The following CLASP2 variants were observed in gnomAD, a reference collection of about 807,000 sequenced individuals.
The protein encoded by CLASP2 is cytoplasmic linker associated protein 2, also known as CLIP-associating protein 2.
In CLASP2, 47 loss-of-function variants were observed where a neutral mutation model predicts 194.4. The ratio of observed to expected loss-of-function variants is 0.24; its 90% CI spans 0.19 to 0.31. The LOEUF is 0.31. Among genes scored for constraint, CLASP2 ranks in the 10% least tolerant of loss-of-function variants. The pLI is 1.00. For missense variants in CLASP2, 1,445 were observed against 1,823.6 expected, an observed-to-expected ratio of 0.79 and a Z score of 3.78; for synonymous variants, 619 against 633.5, an observed-to-expected ratio of 0.98 and a Z score of 0.34.
At chr3:33,571,659 A>G (rs944328508) in intron 25 of CLASP2, among the ~76,000 whole-genome samples, 3 of 151,712 alleles carry the variant, frequency 2.0e-5, no homozygotes, top group African/African-American at 4.8e-5. Context: ...CAAAAAAACA[A>G]AAACAAATCA....
In CLASP2 at chr3:33,544,267, C is replaced by T. The variant is rs2058813607; in HGVS notation, c.3297+431G>A. 2.0e-5 allele frequency among the ~76,000 whole-genome samples: 3 copies of T among 152,154 alleles called. No individual in the cohort carries two copies. The South Asian group carries it at 6.2e-4, about 31-fold the overall frequency. ...ATCCAAGTATAAATGGACTGACAAG[C>T]CTGTGATCATTTAATGTGACCACAC... On this transcript the variant is annotated intron_variant, in intron 31 of 38. Transcript: ENST00000682230.
rs779271375 is a variant in CLASP2, at chr3:33,570,694, T to G, written c.2763+33A>C. The G allele has an allele frequency of 3.2e-6, 5 of 1,579,594 alleles. No homozygotes were observed. The South Asian group carries it at 5.8e-5, about 18-fold the overall frequency. ...TTGACAATATACAAATGATACCCTA[T>G]AGAAATAAATAATCTTAAATACTAA... is the stretch of plus-strand genomic sequence containing the variant. On this transcript the variant is annotated intron_variant, in intron 26 of 38. Coordinates refer to ENST00000682230, the MANE Select transcript of CLASP2 (RefSeq NM_001365631.1).
At chr3:33,656,079 C>G (rs2084154771) in intron 7 of CLASP2, among the ~76,000 whole-genome samples, 1 of 152,184 alleles carries the variant, frequency 6.6e-6, no homozygotes, top group Non-Finnish European at 1.5e-5. Flanking sequence ...GATTATCTGA[C>G]TACTTGATTT....
intron 4 of CLASP2, among the ~76,000 whole-genome samples, 164 bp from the exon 5 acceptor site, chr3:33,687,299 C>A (rs914393062): frequency 2.6e-5 from 4 of 150,952 alleles, no homozygotes; most frequent in African/African-American, 7.4e-5. Flanking sequence ...AAAAATAATT[C>A]TAAGCAATGT....
At chr3:33,709,698 G>A (rs1196268983) in intron 1 of CLASP2, among the ~76,000 whole-genome samples, 1 of 152,096 alleles carries the variant, frequency 6.6e-6, no homozygotes, top group Non-Finnish European at 1.5e-5. Context: ...TTATCCCAAT[G>A]AAACCCATTT....
rs73053686 is a variant in CLASP2 at position 33,559,061 on chromosome 3, A to G, written c.3009+246T>C. 4.6e-3 allele frequency: 2,657 copies of G among 577,848 alleles called. 9 individuals carry two copies. The highest frequency in any genetic ancestry group is 6.4e-3 in the Non-Finnish European group (2,047 of 319,782). The allele number at this position is 577,848 out of a possible 1,614,324, so 35.8% of individuals were successfully genotyped here. The stretch of plus-strand genomic sequence containing the variant: ...CTTACAAAGGTTAGTAGTTGAATAC[A>G]GATGCAAACACTGCAGAGAGTTAAG... On this transcript the variant is annotated intron_variant, in intron 29 of 38. Coordinates refer to ENST00000682230, the MANE Select transcript of CLASP2 (RefSeq NM_001365631.1).
Position 33,538,931 on chromosome 3 carries a change from T to C in CLASP2, c.3416A>G (p.Tyr1139Cys). The C allele has an allele frequency of 6.3e-7, 1 of 1,576,180 alleles. No individual in the cohort carries two copies. The highest frequency in any genetic ancestry group is 8.6e-7 in the Non-Finnish European group (1 of 1,163,976). Residue 1139 changes from tyrosine to cysteine, a missense_variant, in exon 33 of 39, where the codon TAT becomes TGT. Physicochemically the swap from Tyr to Cys is radical, Grantham distance 194. This residue lies in a region of CLASP2 where 732 missense variants were observed against 987.9 expected (regional missense o/e 0.74). Transcript: ENST00000682230. The stretch of plus-strand genomic sequence containing the variant: ...TTCAGAGTTCATATTTTCTGTGTCA[T>C]AATCAAATGCACTATGAAAAAGACG... ...QNTLSPSAFD[Y>C]DTENMNSEDI...
At chr3:33,626,187 T>C (rs915847323) in intron 10 of CLASP2, among the ~76,000 whole-genome samples, 73 of 152,090 alleles carry the variant, frequency 4.8e-4, no homozygotes, top group Non-Finnish European at 1.2e-4. Flanking sequence ...CCTTTGTTCA[T>C]AGTGTCATAA....
At chr3:33,611,969 TAACAAC>T (rs529548828) in intron 13 of CLASP2, 26 bp downstream of exon 13, 2 of 1,474,862 alleles carry the variant, frequency 1.4e-6, no homozygotes, top group Non-Finnish European at 1.9e-6. Flanking sequence ...AGAGCTATAC[TAACAAC>T]AACAACAACA....
rs111314128 is a variant in CLASP2 at position 33,539,533 on chromosome 3, C to A, written c.3405-591G>T. On this transcript the variant is annotated intron_variant, in intron 32 of 38. Coordinates refer to ENST00000682230, the MANE Select transcript of CLASP2 (RefSeq NM_001365631.1). Reference sequence around the variant, plus strand: ...TATTTTTAGTAAAGATGGGGTTTCACCATGTTGTGCAGGCTGGTCTCGAAC... The same window carrying A: ...TATTTTTAGTAAAGATGGGGTTTCAACATGTTGTGCAGGCTGGTCTCGAAC... Among the ~76,000 whole-genome samples, 11 of 152,210 alleles carry A rather than the reference C, an allele frequency of 7.2e-5. 1 individual carries two copies. The highest frequency in any genetic ancestry group is 2.2e-4 in the African/African-American group (9 of 41,548).
intron 1 of CLASP2, among the ~76,000 whole-genome samples, chr3:33,715,847 T>TTAAA (rs1258991523): frequency 3.2e-5 from 2 of 62,134 alleles, no homozygotes; most frequent in African/African-American, 1.3e-4. Context: ...GTATCTTAAG[T>TTAAA]AAAAAAAAAA....
intron 8 of CLASP2, among the ~76,000 whole-genome samples, chr3:33,642,896 GA>G (rs1264975282): frequency 1.3e-5 from 2 of 149,468 alleles, no homozygotes; most frequent in African/African-American, 4.9e-5. Flanking sequence ...AGAAGAAGAA[GA>G]AAAAGGAGGA....
Position 33,568,553 on chromosome 3 carries a change from C to CAAAAAAAAAAAAAAAAAAAAAAAA in CLASP2, c.2764-1820_2764-1819insTTTTTTTTTTTTTTTTTTTTTTTT, listed in dbSNP as rs568821764. Reference sequence around the variant, plus strand: ...TGGGTGACAGAAAGAGATCTTGTCTCAAAAAAAAAAAAAAAAAAAAAATTA... The same window carrying CAAAAAAAAAAAAAAAAAAAAAAAA: ...TGGGTGACAGAAAGAGATCTTGTCTCAAAAAAAAAAAAAAAAAAAAAAAAAAAAAAAAAAAAAAAAAAAAAATTA... On this transcript the variant is annotated intron_variant, in intron 26 of 38. Coordinates refer to ENST00000682230, the MANE Select transcript of CLASP2 (RefSeq NM_001365631.1). Among the ~76,000 whole-genome samples, 116 of 56,780 alleles carry CAAAAAAAAAAAAAAAAAAAAAAAA rather than the reference C, an allele frequency of 2.0e-3. 3 individuals are homozygous for CAAAAAAAAAAAAAAAAAAAAAAAA. Among genetic ancestry groups the CAAAAAAAAAAAAAAAAAAAAAAAA allele is most frequent in the African/African-American group, 4.0e-3 (53 of 13,120 alleles). 37.2% of individuals were successfully genotyped at this position (56,780 alleles called of 152,430 possible). A position where few individuals can be genotyped will look rare whatever the true frequency, so the allele number is the denominator to read the frequency against.
At chr3:33,707,962 T>G (rs1376875063) in intron 1 of CLASP2, among the ~76,000 whole-genome samples, 1 of 152,184 alleles carries the variant, frequency 6.6e-6, no homozygotes. Context: ...GTATCACACT[T>G]GGCAAAAGGG....
At chr3:33,632,520 C>T (rs1379999470) in intron 8 of CLASP2, 149 bp from the exon 9 acceptor site, 1 of 635,452 alleles carries the variant, frequency 1.6e-6, no homozygotes, top group Non-Finnish European at 2.7e-6. Flanking sequence ...TAAAAAATCT[C>T]CAACTTTCAG....
intron 34 of CLASP2, among the ~76,000 whole-genome samples, chr3:33,530,541 T>C (rs939114458): frequency 3.3e-5 from 5 of 152,230 alleles, no homozygotes; most frequent in African/African-American, 9.6e-5. Context: ...GTATTATGTA[T>C]TTCACATAAT....
intron 1 of CLASP2, among the ~76,000 whole-genome samples, chr3:33,707,967 A>G (rs1464701173): frequency 1.3e-5 from 2 of 152,202 alleles, no homozygotes; most frequent in African/African-American, 4.8e-5. Context: ...ACACTTGGCA[A>G]AAGGGACTCT....
intron 22 of CLASP2, 56 bp from the exon 23 acceptor site, chr3:33,581,984 C>G: frequency 7.7e-7 from 1 of 1,295,912 alleles, no homozygotes; most frequent in Non-Finnish European, 1.1e-6. Flanking sequence ...ACAGAGTTTG[C>G]ATTTTAAAAA....
At chr3:33,571,658 A>C (rs1287051800) in intron 25 of CLASP2, among the ~76,000 whole-genome samples, 1 of 151,708 alleles carries the variant, frequency 6.6e-6, no homozygotes, top group Non-Finnish European at 1.5e-5. Context: ...CCAAAAAAAC[A>C]AAAACAAATC....
Sources: gnomAD v4.1 joint callset for allele counts (sites outside exome capture counted in the v4.1 genomes callset) on GRCh38, gnomAD v4.1.1 for gene constraint, gnomAD v4.1.1 regional missense constraint, MANE v1.5 for transcripts, NCBI Gene and HGNC (gene_info 2026-07-23, HGNC 2026-07-21) for gene names.